Variants in EN1 observed in about 807,000 individuals in gnomAD.
EN1 encodes engrailed homeobox 1.
In EN1, 8 loss-of-function variants were observed where a neutral mutation model predicts 22.9. That is an observed-to-expected ratio of 0.35 (90% CI 0.20 to 0.63). EN1 has a LOEUF of 0.63. Among genes scored for constraint, EN1 ranks in the 20% least tolerant of loss-of-function variants. The pLI is 0.73. For missense variants in EN1, 521 were observed against 572.1 expected (o/e 0.91, Z 0.91); for synonymous variants, 287 against 262.5 (o/e 1.09, Z -0.90).
At position 118,846,261 on chromosome 2, in the gene EN1, C is replaced by T. The variant is rs1678266221; in HGVS notation, c.862+45G>A. 1 of 1,584,176 alleles carries T rather than the reference C, an allele frequency of 6.3e-7. No homozygotes were observed. Among genetic ancestry groups the T allele is most frequent in the Non-Finnish European group, 8.6e-7 (1 of 1,166,804 alleles). On this transcript the variant is annotated intron_variant, in intron 1 of 1. Coordinates refer to ENST00000295206, the MANE Select transcript of EN1 (RefSeq NM_001426.4). This position sits in a 1 kb window ranked among gnomAD's most constrained non-coding sequence, Gnocchi z 5.0. ...CCGCAGCTTGGCGTTCTGGGGCGGT[C>T]CGCGGGGCCAGAAGGCATGGCGCAG...
rs995999579 is a variant in EN1 at position 118,842,396 on chromosome 2, A to G, written c.*542T>C. On this transcript the variant is annotated 3_prime_UTR_variant, in exon 2 of 2. Transcript: ENST00000295206. ...GGAAACACACTCTCGCACACAAAGAAAAGTCCCAGAGAAACCAGGGCCGGC... is the reference window on the plus strand; with the variant it reads ...GGAAACACACTCTCGCACACAAAGAGAAGTCCCAGAGAAACCAGGGCCGGC... The G allele has an allele frequency of 6.6e-6, 1 of 152,504 alleles. No individual in the cohort carries two copies. The highest frequency in any genetic ancestry group is 1.9e-4 in the East Asian group (1 of 5,174). 9.4% of individuals were successfully genotyped at this position (152,504 alleles called of 1,614,324 possible).
Position 118,842,875 on chromosome 2 carries a change from G to A in EN1, c.*63C>T, listed in dbSNP as rs2104609163. On this transcript the variant is annotated 3_prime_UTR_variant, in exon 2 of 2. Transcript: ENST00000295206. ...AGCAGATGCTTTCTCCCCCAGCGAG[G>A]GGCCGGGAGACGACGGCGGCGGTGC... 1 of 1,538,168 alleles carries A rather than the reference G, an allele frequency of 6.5e-7. No individual in the cohort carries two copies. The highest frequency in any genetic ancestry group is 2.0e-4 in the Middle Eastern group (1 of 5,014).
Position 118,846,129 on chromosome 2 carries a change from G to A in EN1, c.862+177C>T, listed in dbSNP as rs951549800. Among the ~76,000 whole-genome samples, 1 of 152,092 alleles carries A rather than the reference G, an allele frequency of 6.6e-6. No individual in the cohort carries two copies. Among genetic ancestry groups the A allele is most frequent in the African/African-American group, 2.4e-5 (1 of 41,436 alleles). ...TAGCTTCTCGGGTGGTGGCCGCAGA[G>A]GCCAGGATCGCATAGCTGGATGAAC... On this transcript the variant is annotated intron_variant, in intron 1 of 1. Transcript: ENST00000295206. This position sits in a 1 kb window ranked among gnomAD's most constrained non-coding sequence, Gnocchi z 5.0.
At chr2:118,844,769 C>A (rs1265044918) in intron 1 of EN1, among the ~76,000 whole-genome samples, 3 of 152,168 alleles carry the variant, frequency 2.0e-5, no homozygotes, top group East Asian at 3.9e-4. Context: ...AGATCTGGGT[C>A]GAGGCTCATC....
Position 118,846,508 on chromosome 2 carries a change from G to A in EN1, c.660C>T (p.Pro220=). ...CACTGCCGCCGCCACCGGTGTCCGA[G>A]GGCTTGGCTGCTGCGGCCGCCGCCG... The part of the protein sequence containing the change: ...AAAAAAAAAK[P]SDTGGGGSGG... The change falls in exon 1 of 2, where the codon CCC becomes CCT. Residue 220 remains proline (P), a synonymous_variant. Coordinates refer to ENST00000295206, the MANE Select transcript of EN1 (RefSeq NM_001426.4). This position sits in a 1 kb window ranked among gnomAD's most constrained non-coding sequence, Gnocchi z 5.0. The A allele has an allele frequency of 7.3e-7, 1 of 1,378,992 alleles. No homozygotes were observed. The highest frequency in any genetic ancestry group is 9.5e-7 in the Non-Finnish European group (1 of 1,056,190). The allele number at this position is 1,378,992 out of a possible 1,614,324, so 85.4% of individuals were successfully genotyped here. A position where few individuals can be genotyped will look rare whatever the true frequency, so the allele number is the denominator to read the frequency against.
At chr2:118,845,214 G>A (rs1232887642) in intron 1 of EN1, among the ~76,000 whole-genome samples, 2 of 152,240 alleles carry the variant, frequency 1.3e-5, no homozygotes, top group Non-Finnish European at 2.9e-5. Flanking sequence ...CCGGCCGGCA[G>A]CTGTGGGGCG....
Position 118,847,187 on chromosome 2 carries a change from C to G in EN1, c.-20G>C. 1 of 762,572 alleles carries G rather than the reference C, an allele frequency of 1.3e-6. No individual in the cohort carries two copies. 47.2% of individuals were successfully genotyped at this position (762,572 alleles called of 1,614,324 possible). A position where few individuals can be genotyped will look rare whatever the true frequency, so the allele number is the denominator to read the frequency against. On this transcript the variant is annotated 5_prime_UTR_variant, in exon 1 of 2. Transcript: ENST00000295206. ...TTCCATGCTCGGCCGCCCCGCCGCC[C>G]CGGCCGCCGCGCCGGCCCCCGCCCC...
chr2:118,845,453 C>T (rs1678254975), intron 1 of EN1, among the ~76,000 whole-genome samples: 1 of 152,150 alleles, frequency 6.6e-6, no homozygotes, highest in South Asian at 2.1e-4. Flanking sequence ...GAAGGAAAGC[C>T]GAGAAAAACA....
At position 118,847,125 on chromosome 2, in the gene EN1, C is replaced by G. The variant is rs767769043; in HGVS notation, c.43G>C (p.Ala15Pro). 2.1e-4 allele frequency: 277 copies of G among 1,335,370 alleles called. 1 individual carries two copies. The highest frequency in any genetic ancestry group is 1.6e-3 in the Middle Eastern group (6 of 3,830). The allele number at this position is 1,335,370 out of a possible 1,614,324, so 82.7% of individuals were successfully genotyped here. ...QPEPKSQRDS[A>P]LGAAAAATPG... ...GTCGCCGCCGCCGCCGCGCCGAGGG[C>G]CGAGTCGCGCTGACTTTTAGGTTCC... The change falls in exon 1 of 2, where the codon GCC becomes CCC. Residue 15 changes from alanine (A) to proline (P), a missense_variant. Ala to Pro is a conservative substitution (Grantham distance 27). Transcript: ENST00000295206.
Position 118,846,663 on chromosome 2 carries a change from G to A in EN1, c.505C>T (p.Leu169Phe). 2 of 1,569,786 alleles carry A rather than the reference G, an allele frequency of 1.3e-6. No individual in the cohort carries two copies. Among genetic ancestry groups the A allele is most frequent in the Non-Finnish European group, 1.7e-6 (2 of 1,167,798 alleles). ...LGTRAPGAAS[L>F]LCAPDANCGP... is the part of the protein sequence containing the mutation. ...CAGTTCGCGTCCGGGGCGCACAGGA[G>A]CGAGGCAGCGCCTGGCGCCCGGGTG... is the stretch of plus-strand genomic sequence containing the variant. Residue 169 changes from leucine to phenylalanine, a missense_variant, in exon 1 of 2, where the codon CTC (leucine) becomes TTC (phenylalanine). By Grantham distance (22) the Leu-to-Phe change is conservative. Transcript: ENST00000295206. The surrounding 1 kb of genome is among the most constrained non-coding windows in gnomAD (Gnocchi z 5.0).
In EN1 at chr2:118,847,301, GC is replaced by G. The variant is rs937957315; in HGVS notation, c.-135del. On this transcript the variant is annotated 5_prime_UTR_variant, in exon 1 of 2. Transcript: ENST00000295206. Reference sequence around the variant, plus strand: ...GGCGAAGCCTCAGCGAAGGCACGGGGCGGGTGCAGGAAAAAAGCTCAGGCGT... The same window carrying G: ...GGCGAAGCCTCAGCGAAGGCACGGGGGGGTGCAGGAAAAAAGCTCAGGCGT... 9.1e-5 allele frequency: 37 copies of G among 407,350 alleles called. No homozygotes were observed. In the South Asian group the frequency reaches 1.6e-3, roughly 18 times the overall value. 25.2% of individuals were successfully genotyped at this position (407,350 alleles called of 1,614,324 possible).
Position 118,847,096 on chromosome 2 carries a change from C to T in EN1, c.72G>A (p.Pro24=), listed in dbSNP as rs1046372879. The T allele has an allele frequency of 3.3e-5, 46 of 1,410,000 alleles. No homozygotes were observed. The highest frequency in any genetic ancestry group is 5.0e-4 in the Middle Eastern group (2 of 3,996). 87.3% of individuals were successfully genotyped at this position (1,410,000 alleles called of 1,614,324 possible). A position where few individuals can be genotyped will look rare whatever the true frequency, so the allele number is the denominator to read the frequency against. Residue 24 remains proline (P), a synonymous_variant, in exon 1 of 2, where the codon CCG becomes CCA. Transcript: ENST00000295206. Reference sequence around the variant, plus strand: ...GACTGAGGCTCAGGCTGAGGCCGCCCGGAGTCGCCGCCGCCGCCGCGCCGA... The same window carrying T: ...GACTGAGGCTCAGGCTGAGGCCGCCTGGAGTCGCCGCCGCCGCCGCGCCGA... ...SALGAAAAAT[P]GGLSLSLSPG... is the part of the protein sequence containing the mutation.
chr2:118,845,500 T>C (rs1573316517), intron 1 of EN1, among the ~76,000 whole-genome samples: 1 of 151,984 alleles, frequency 6.6e-6, no homozygotes, highest in East Asian at 1.9e-4. Flanking sequence ...GATGTGCGGG[T>C]GAAAAAAGGA....
At chr2:118,844,696 G>A (rs1287899207) in intron 1 of EN1, among the ~76,000 whole-genome samples, 1 of 152,236 alleles carries the variant, frequency 6.6e-6, no homozygotes, top group African/African-American at 2.4e-5. Flanking sequence ...GGGGCAGGCA[G>A]GAGGCTGGGG....
rs879199499 is a variant in EN1, at chr2:118,842,834, C to T, written c.*104G>A. On this transcript the variant is annotated 3_prime_UTR_variant, in exon 2 of 2. Transcript: ENST00000295206. ...TGTCTCTCTCGCTCTTTTCCCTGCG[C>T]TCCCTCCCTCCTTGGAGCAGATGCT... 2.7e-4 allele frequency: 388 copies of T among 1,449,930 alleles called. 1 individual carries two copies. Among genetic ancestry groups the T allele is most frequent in the South Asian group, 6.2e-4 (43 of 69,302 alleles). The allele number at this position is 1,449,930 out of a possible 1,614,324, so 89.8% of individuals were successfully genotyped here. A position where few individuals can be genotyped will look rare whatever the true frequency, so the allele number is the denominator to read the frequency against.
Position 118,843,130 on chromosome 2 carries a change from C to T in EN1, c.987G>A (p.Thr329=), listed in dbSNP as rs758801707. 3 of 1,613,630 alleles carry T rather than the reference C, an allele frequency of 1.9e-6. No homozygotes were observed. Among genetic ancestry groups the T allele is most frequent in the African/African-American group, 1.3e-5 (1 of 74,918 alleles). ...KAEFQANRYI[T]EQRRQTLAQE... The stretch of plus-strand genomic sequence containing the variant: ...GGGCCAGGGTCTGCCGCCGCTGCTC[C>T]GTGATGTAGCGGTTTGCCTGGAACT... Residue 329 remains threonine, a synonymous_variant, in exon 2 of 2, where the codon ACG becomes ACA. Transcript: ENST00000295206.
rs1236409052 is a variant in EN1, at chr2:118,846,522, C to A, written c.646G>T (p.Ala216Ser). ...CCGGTGTCCGAGGGCTTGGCTGCTG[C>A]GGCCGCCGCCGCCGCCGCCACTGCC... is the stretch of plus-strand genomic sequence containing the variant. ...AAAVAAAAAA[A>S]AAKPSDTGGG... The change falls in exon 1 of 2, where the codon GCA becomes TCA. Residue 216 changes from alanine to serine, a missense_variant. Physicochemically the swap from Ala to Ser is moderately conservative, Grantham distance 99. Coordinates refer to ENST00000295206, the MANE Select transcript of EN1 (RefSeq NM_001426.4). This position sits in a 1 kb window ranked among gnomAD's most constrained non-coding sequence, Gnocchi z 5.0. 2 of 1,262,316 alleles carry A rather than the reference C, an allele frequency of 1.6e-6. No individual in the cohort carries two copies. The highest frequency in any genetic ancestry group is 2.0e-6 in the Non-Finnish European group (2 of 998,592). 78.2% of individuals were successfully genotyped at this position (1,262,316 alleles called of 1,614,324 possible). A position where few individuals can be genotyped will look rare whatever the true frequency, so the allele number is the denominator to read the frequency against.
At position 118,843,228 on chromosome 2, in the gene EN1, T is replaced by C; in HGVS notation, c.889A>G (p.Lys297Glu). Reference sequence around the variant, plus strand: ...CGCTTGTCCTCCTTCTCGTTCTTCTTCTTCTTCAGCTTCCTGGTGCGCGGA... The same window carrying C: ...CGCTTGTCCTCCTTCTCGTTCTTCTCCTTCTTCAGCTTCCTGGTGCGCGGA... The part of the protein sequence containing the change: ...SGPRTRKLKK[K>E]KNEKEDKRPR... Residue 297 changes from lysine to glutamate, a missense_variant, in exon 2 of 2, where the codon AAG (lysine) becomes GAG (glutamate). Coordinates refer to ENST00000295206, the MANE Select transcript of EN1 (RefSeq NM_001426.4). 7.3e-7 allele frequency: 1 copy of C among 1,378,180 alleles called. No homozygotes were observed. The highest frequency in any genetic ancestry group is 9.6e-7 in the Non-Finnish European group (1 of 1,041,428). The allele number at this position is 1,378,180 out of a possible 1,614,324, so 85.4% of individuals were successfully genotyped here.
At position 118,846,616 on chromosome 2, in the gene EN1, C is replaced by T. The variant is rs747922948; in HGVS notation, c.552G>A (p.Gln184=). ...ACGCGCCCGCGCCGGCGGCGGCTGG[C>T]TGGGAGCCGTCGGGTGGGCCACAGT... ...DANCGPPDGS[Q]PAAAGAGASK... Residue 184 remains glutamine, a synonymous_variant, in exon 1 of 2, where the codon CAG becomes CAA. Coordinates refer to ENST00000295206, the MANE Select transcript of EN1 (RefSeq NM_001426.4). This position sits in a 1 kb window ranked among gnomAD's most constrained non-coding sequence, Gnocchi z 5.0. The T allele has an allele frequency of 6.9e-7, 1 of 1,455,098 alleles. No individual in the cohort carries two copies. The highest frequency in any genetic ancestry group is 9.0e-7 in the Non-Finnish European group (1 of 1,108,170). 90.1% of individuals were successfully genotyped at this position (1,455,098 alleles called of 1,614,324 possible).
Sources: allele counts gnomAD v4.1 joint callset (sites outside exome capture counted in the v4.1 genomes callset), GRCh38; gene constraint gnomAD v4.1.1; non-coding constraint Gnocchi (gnomAD v3.1); transcripts MANE v1.5; gene names NCBI Gene and HGNC (gene_info 2026-07-23, HGNC 2026-07-21).